PLCD1: variants seen among roughly 807,000 people sequenced by gnomAD.
PLCD1 encodes phospholipase C delta 1, also known as 1-phosphatidylinositol 4,5-bisphosphate phosphodiesterase delta-1.
In PLCD1, 71 loss-of-function variants were observed where a neutral mutation model predicts 87.4. The ratio of observed to expected loss-of-function variants is 0.81; its 90% CI spans 0.67 to 0.99. PLCD1 has a LOEUF of 0.99. PLCD1 is among the 50% of genes least tolerant of loss of function. The probability of loss-of-function intolerance (pLI) is 0.00; values close to 1 mark genes in which losing one functional copy is unlikely to be tolerated. For missense variants in PLCD1, 867 were observed against 1,001.5 expected, an observed-to-expected ratio of 0.87 and a Z score of 1.81; for synonymous variants, 348 against 399.2, an observed-to-expected ratio of 0.87 and a Z score of 1.53.
At chr3:38,028,809 G>A (rs1700333232) in intron 1 of PLCD1, among the ~76,000 whole-genome samples, 1 of 152,200 alleles carries the variant, frequency 6.6e-6, no homozygotes, top group Non-Finnish European at 1.5e-5. Context: ...GAGGGACAGC[G>A]AAAGGGCAAA....
Position 38,010,517 on chromosome 3 carries a change from A to G in PLCD1, c.836T>C (p.Leu279Ser). Residue 279 changes from leucine (L) to serine (S), a missense_variant, in exon 6 of 15, where the codon TTA (leucine) becomes TCA (serine). Physicochemically the swap from Leu to Ser is moderately radical, Grantham distance 145 (BLOSUM62 -2). Coordinates refer to ENST00000334661, the MANE Select transcript of PLCD1 (RefSeq NM_006225.4). ...QMTKDGFLMY[L>S]LSADGSAFSL... Reference sequence around the variant, plus strand: ...GAAGGCGCTGCCGTCAGCCGACAGTAAGTACATGAGGAAGCCGTCCTTGGT... The same window carrying G: ...GAAGGCGCTGCCGTCAGCCGACAGTGAGTACATGAGGAAGCCGTCCTTGGT... The G allele has an allele frequency of 6.2e-7, 1 of 1,614,086 alleles. No homozygotes were observed. The highest frequency in any genetic ancestry group is 8.5e-7 in the Non-Finnish European group (1 of 1,179,968).
In PLCD1 at chr3:38,011,201, G is replaced by A. The variant is rs779528365; in HGVS notation, c.790+13C>T. 3 of 1,596,212 alleles carry A rather than the reference G, an allele frequency of 1.9e-6. No homozygotes were observed. Among genetic ancestry groups the A allele is most frequent in the Non-Finnish European group, 2.6e-6 (3 of 1,171,064 alleles). On this transcript the variant is annotated intron_variant, in intron 5 of 14. Transcript: ENST00000334661. ...CTGCGACTGCAGGTAGCAGGCCCTG[G>A]TCAGGCTCTCACCAGTCTCGCTGGG...
Position 38,010,131 on chromosome 3 carries a change from C to A in PLCD1, c.1137G>T (p.Lys379Asn). The change falls in exon 7 of 15, where the codon AAG becomes AAT. Residue 379 changes from lysine (K) to asparagine (N), a missense_variant and splice_region_variant. Lys to Asn is a moderately conservative substitution (Grantham distance 94). Coordinates refer to ENST00000334661, the MANE Select transcript of PLCD1 (RefSeq NM_006225.4). ...VLRAIRDYAF[K>N]ASPYPVILSL... ...CCTCACCTGCCAGGGGCACTCCCACCTTGAAGGCATAGTCCCGGATGGCCC... is the reference window on the plus strand; with the variant it reads ...CCTCACCTGCCAGGGGCACTCCCACATTGAAGGCATAGTCCCGGATGGCCC... 1 of 1,614,268 alleles carries A rather than the reference C, an allele frequency of 6.2e-7. No individual in the cohort carries two copies. The highest frequency in any genetic ancestry group is 8.5e-7 in the Non-Finnish European group (1 of 1,180,042).
chr3:38,024,951 C>A (rs778057125), intron 1 of PLCD1, among the ~76,000 whole-genome samples: 2 of 152,060 alleles, frequency 1.3e-5, no homozygotes, highest in Non-Finnish European at 2.9e-5. Context: ...TGCCGGGCCC[C>A]GCGGAGGCGG....
chr3:38,016,498 G>C lies in PLCD1; in HGVS notation c.421C>G (p.Leu141Val). 2 of 1,610,312 alleles carry C rather than the reference G, an allele frequency of 1.2e-6. No individual in the cohort carries two copies. Among genetic ancestry groups the C allele is most frequent in the Non-Finnish European group, 1.7e-6 (2 of 1,176,736 alleles). The change falls in exon 3 of 15, where the codon CTA becomes GTA. Residue 141 changes from leucine to valine, a missense_variant. Transcript: ENST00000334661. ...HSGSMDQRQK[L>V]QHWIHSCLRK... ...CTGCCACCAAAAGGATACTGCTGTA[G>C]CTTCTGACGCTGGTCCATGGAGCCT...
At chr3:38,026,389 G>A (rs571592614) in intron 1 of PLCD1, among the ~76,000 whole-genome samples, 1 of 152,148 alleles carries the variant, frequency 6.6e-6, no homozygotes, top group African/African-American at 2.4e-5. Context: ...CGTGGCGGCC[G>A]GCACCTGTAA....
At position 38,022,502 on chromosome 3, in the gene PLCD1, G is replaced by A. The variant is rs1009484204; in HGVS notation, c.35-2150C>T. On this transcript the variant is annotated intron_variant, in intron 1 of 14. Coordinates refer to ENST00000334661, the MANE Select transcript of PLCD1 (RefSeq NM_006225.4). ...CAAGCCACTGCCAACAGCATGTATG[G>A]GAATGGAGCTGGGAGCCAGGAAGTA... 1.3e-5 allele frequency among the ~76,000 whole-genome samples: 2 copies of A among 152,238 alleles called. 1 individual carries two copies. Among genetic ancestry groups the A allele is most frequent in the Non-Finnish European group, 2.9e-5 (2 of 68,036 alleles).
Position 38,007,549 on chromosome 3 carries a change from T to A in PLCD1, c.*224A>T. The A allele has an allele frequency of 1.5e-6, 1 of 683,062 alleles. No homozygotes were observed. The highest frequency in any genetic ancestry group is 1.5e-5 in the South Asian group (1 of 66,446). 42.3% of individuals were successfully genotyped at this position (683,062 alleles called of 1,614,324 possible). On this transcript the variant is annotated 3_prime_UTR_variant, in exon 15 of 15. Coordinates refer to ENST00000334661, the MANE Select transcript of PLCD1 (RefSeq NM_006225.4). ...CCTTGACCACTCGCTGGCCGGAGGG[T>A]GGAGAGGGCTGCAGTGTTATTCCTA...
In PLCD1 at chr3:38,011,464, C is replaced by T. The variant is rs1007866676; in HGVS notation, c.559-19G>A. ...CACACTCCTGCAGAGCCAGGACAGC[C>T]GAGTGGGCTCAGAGCAGGCCTTGGG... is the stretch of plus-strand genomic sequence containing the variant. On this transcript the variant is annotated intron_variant, in intron 4 of 14. Transcript: ENST00000334661. 25 of 1,613,524 alleles carry T rather than the reference C, an allele frequency of 1.5e-5. No individual in the cohort carries two copies. The highest frequency in any genetic ancestry group is 2.7e-5 in the African/African-American group (2 of 74,942).
intron 1 of PLCD1, among the ~76,000 whole-genome samples, chr3:38,026,081 A>T (rs1700305197): frequency 6.6e-6 from 1 of 152,222 alleles, no homozygotes; most frequent in Non-Finnish European, 1.5e-5. Context: ...GGGGAAGCAG[A>T]GTGCAAAGGG....
chr3:38,008,942 G>T (rs923355961), intron 11 of PLCD1, 100 bp downstream of exon 11: 3 of 936,262 alleles, frequency 3.2e-6, no homozygotes, highest in African/African-American at 1.6e-5. Context: ...ACCCTGCTTG[G>T]GTCCTCAGAG....
In PLCD1 at chr3:38,016,813, T is replaced by C. The variant is rs1700163845; in HGVS notation, c.200-94A>G. On this transcript the variant is annotated intron_variant, in intron 2 of 14. Coordinates refer to ENST00000334661, the MANE Select transcript of PLCD1 (RefSeq NM_006225.4). ...GCCAAGGCCACAGTAGAGAGGGGCA[T>C]GGCTTGGAGACACAGAGCCAGGGCC... 10 of 895,850 alleles carry C rather than the reference T, an allele frequency of 1.1e-5. No homozygotes were observed. In the Admixed American group the frequency reaches 1.2e-4, roughly 11 times the overall value. 55.5% of individuals were successfully genotyped at this position (895,850 alleles called of 1,614,324 possible). A position where few individuals can be genotyped will look rare whatever the true frequency, so the allele number is the denominator to read the frequency against.
intron 12 of PLCD1, 44 bp from the exon 13 acceptor site, chr3:38,008,411 G>A (rs200314567): frequency 3.9e-5 from 63 of 1,614,148 alleles, no homozygotes; most frequent in South Asian, 1.6e-4. Flanking sequence ...GAGTGGTAGC[G>A]GGGAAGGGAG....
chr3:38,016,575 G>A lies in PLCD1; in HGVS notation c.344C>T (p.Pro115Leu), dbSNP rs1441803640. Residue 115 changes from proline (P) to leucine (L), a missense_variant, in exon 3 of 15, where the codon CCA (proline) becomes CTA (leucine). Physicochemically the swap from Pro to Leu is moderately conservative, Grantham distance 98. Transcript: ENST00000334661. Reference protein sequence around the residue: ...RNTLDLIAPSPADAQHWVLGL... With the variant: ...RNTLDLIAPSLADAQHWVLGL... ...CAGCACCCAGTGCTGGGCATCAGCT[G>A]GCGATGGGGCGATGAGGTCTAGTGT... The A allele has an allele frequency of 1.2e-6, 2 of 1,614,006 alleles. No homozygotes were observed. Among genetic ancestry groups the A allele is most frequent in the East Asian group, 4.5e-5 (2 of 44,876 alleles).
At position 38,008,361 on chromosome 3, in the gene PLCD1, A is replaced by AAAT. The variant is rs1700001334; in HGVS notation, c.1906_1908dup (p.Ile636dup). The AAAT allele has an allele frequency of 6.2e-7, 1 of 1,614,098 alleles. No homozygotes were observed. The highest frequency in any genetic ancestry group is 1.3e-5 in the African/African-American group (1 of 74,938). On this transcript the variant is annotated inframe_insertion, in exon 13 of 15. Transcript: ENST00000334661. ...TTGACTTTTGGCAGCTGCTGCCCCG[A>AAAT]AATGACCTGAGGAAAGGCAGAGGAC...
intron 1 of PLCD1, among the ~76,000 whole-genome samples, chr3:38,023,229 A>G (rs1355425071): frequency 6.6e-6 from 1 of 152,108 alleles, no homozygotes; most frequent in Non-Finnish European, 1.5e-5. Flanking sequence ...TGGCCACACA[A>G]ATACACAGTC....
rs141516535 is a variant in PLCD1, at chr3:38,009,153, C to G, written c.1612G>C (p.Gly538Arg). The stretch of plus-strand genomic sequence containing the variant: ...TGCCCCACGTTGTGGCGGACAAAGC[C>G]GTTTCCTGAGGGGAGGTGTGGTTCG... ...ALRLLQESGNGFVRHNVGHLS... is the reference protein window; with the variant it reads ...ALRLLQESGNRFVRHNVGHLS... The change falls in exon 11 of 15, where the codon GGC becomes CGC. Residue 538 changes from glycine (G) to arginine (R), a missense_variant. Coordinates refer to ENST00000334661, the MANE Select transcript of PLCD1 (RefSeq NM_006225.4). The G allele has an allele frequency of 1.5e-5, 25 of 1,614,138 alleles. No individual in the cohort carries two copies. Among genetic ancestry groups the G allele is most frequent in the Admixed American group, 5.0e-5 (3 of 60,018 alleles).
rs534785495 is a variant in PLCD1 at position 38,013,128 on chromosome 3, G to A, written c.429-1455C>T. Among the ~76,000 whole-genome samples, 30 of 151,826 alleles carry A rather than the reference G, an allele frequency of 2.0e-4. No homozygotes were observed. The East Asian group carries it at 2.9e-3, about 15-fold the overall frequency. On this transcript the variant is annotated intron_variant, in intron 3 of 14. Transcript: ENST00000334661. ...TAGTCTCGAACTCCTAAGCTCAAGC[G>A]ATCCACCTGCCTCAGCCTCCCAAAG...
In PLCD1 at chr3:38,029,443, C is replaced by T. The variant is rs1421144058; in HGVS notation, c.34+63G>A. On this transcript the variant is annotated intron_variant, in intron 1 of 14. Transcript: ENST00000334661. ...AGCTGGGGGCTCCCTGTCCAGGGCCCGGAACAGCTTTCCAGGGGTCCACCC... is the reference window on the plus strand; with the variant it reads ...AGCTGGGGGCTCCCTGTCCAGGGCCTGGAACAGCTTTCCAGGGGTCCACCC... 2.8e-6 allele frequency: 4 copies of T among 1,447,832 alleles called. No individual in the cohort carries two copies. In the African/African-American group the frequency reaches 4.2e-5, roughly 15 times the overall value. The allele number at this position is 1,447,832 out of a possible 1,614,324, so 89.7% of individuals were successfully genotyped here.
Sources: allele counts gnomAD v4.1 joint callset (sites outside exome capture counted in the v4.1 genomes callset), GRCh38; gene constraint gnomAD v4.1.1; transcripts MANE v1.5; gene names NCBI Gene and HGNC (gene_info 2026-07-23, HGNC 2026-07-21).